WWOX: variants seen among roughly 807,000 people sequenced by gnomAD.
WWOX encodes WW domain-containing oxidoreductase.
A neutral mutation model predicts 46.2 loss-of-function variants in WWOX; 69 were observed. The ratio of observed to expected loss-of-function variants is 1.49; its 90% confidence interval spans 1.23 to 1.82. The LOEUF (loss-of-function observed/expected upper bound fraction) is 1.82, where lower values mean the gene tolerates loss of function less well. WWOX is among the 40% of genes most tolerant of loss of function. The probability of loss-of-function intolerance (pLI) is 0.00; values close to 1 mark genes in which losing one functional copy is unlikely to be tolerated. For synonymous variants in WWOX, 359 were observed against 202.6 expected (o/e 1.77, Z -6.56); for missense variants, 919 against 542.6 (o/e 1.69, Z -6.89).
At chr16:78,122,126 T>G (rs1284564033) in intron 4 of WWOX, among the ~76,000 whole-genome samples, 1 of 152,210 alleles carries the variant, frequency 6.6e-6, no homozygotes, top group Admixed American at 6.5e-5. Context: ...GTGCCTAATT[T>G]ATAAATTAAA....
At chr16:78,746,334 C>CA (rs2049346476) in intron 8 of WWOX, among the ~76,000 whole-genome samples, 1 of 151,980 alleles carries the variant, frequency 6.6e-6, no homozygotes, top group African/African-American at 2.4e-5. Context: ...ATTGCCTGTA[C>CA]AAAAAATTTA....
intron 5 of WWOX, among the ~76,000 whole-genome samples, chr16:78,294,973 C>G (rs925003435): frequency 1.3e-5 from 2 of 152,172 alleles, no homozygotes; most frequent in South Asian, 4.1e-4. Flanking sequence ...GGATTTCACA[C>G]AAAGGCTCTA....
intron 8 of WWOX, among the ~76,000 whole-genome samples, chr16:78,818,339 A>G (rs1181604718): frequency 6.6e-6 from 1 of 152,214 alleles, no homozygotes; most frequent in Non-Finnish European, 1.5e-5. Context: ...TCTCCAGCAC[A>G]CACAGCCCTT....
chr16:78,721,616 C>A (rs188529858), intron 8 of WWOX, among the ~76,000 whole-genome samples: 3 of 152,284 alleles, frequency 2.0e-5, no homozygotes, highest in South Asian at 2.1e-4. Context: ...TAAAGCAGGA[C>A]ATGTGCTTTG....
At chr16:78,521,767 C>G (rs1421696437) in intron 8 of WWOX, among the ~76,000 whole-genome samples, 1 of 145,458 alleles carries the variant, frequency 6.9e-6, no homozygotes, top group Non-Finnish European at 1.5e-5. Flanking sequence ...TTAGTCAACA[C>G]TTTAACACAT....
chr16:78,855,458 A>G (rs989477422), intron 8 of WWOX, among the ~76,000 whole-genome samples: 24 of 152,196 alleles, frequency 1.6e-4, no homozygotes, highest in African/African-American at 4.3e-4. Flanking sequence ...GGCACCACCT[A>G]TCTTTTGCTA....
intron 8 of WWOX, among the ~76,000 whole-genome samples, chr16:78,619,140 A>C (rs1254147913): frequency 8.5e-5 from 1 of 11,772 alleles, no homozygotes; most frequent in Admixed American, 8.8e-4. Flanking sequence ...TACTAAAAAA[A>C]AAATATATAT....
chr16:78,557,378 C>G (rs1224141231), intron 8 of WWOX, among the ~76,000 whole-genome samples: 1 of 152,180 alleles, frequency 6.6e-6, no homozygotes, highest in African/African-American at 2.4e-5. Flanking sequence ...TTGGGAATAT[C>G]TCTTAGCCCT....
chr16:78,331,519 C>G (rs1213859723), intron 5 of WWOX, among the ~76,000 whole-genome samples: 1 of 152,140 alleles, frequency 6.6e-6, no homozygotes, highest in Non-Finnish European at 1.5e-5. Flanking sequence ...ATTCATTTTG[C>G]TTTGACTTCC....
rs2081093609 is a variant in WWOX, at chr16:78,346,316, T to A, written c.517-40544T>A. 1.6e-5 allele frequency among the ~76,000 whole-genome samples: 2 copies of A among 121,536 alleles called. 1 individual carries two copies. Among genetic ancestry groups the A allele is most frequent in the Admixed American group, 1.6e-4 (2 of 12,474 alleles). The allele number at this position is 121,536 out of a possible 152,430, so 79.7% of individuals were successfully genotyped here. A position where few individuals can be genotyped will look rare whatever the true frequency, so the allele number is the denominator to read the frequency against. On this transcript the variant is annotated intron_variant, in intron 5 of 8. Coordinates refer to ENST00000566780, the MANE Select transcript of WWOX (RefSeq NM_016373.4). ...ATTTGGGTTCTTCCCAGTTTTTAGC[T>A]GTTGTAAATGGATACTAATGTGAAC...
At chr16:78,618,482 C>T (rs1400583840) in intron 8 of WWOX, among the ~76,000 whole-genome samples, 1 of 152,116 alleles carries the variant, frequency 6.6e-6, no homozygotes, top group South Asian at 2.1e-4. Context: ...CTTATGGCCT[C>T]TTCTTGTGAG....
chr16:78,198,765 A>G (rs1240780417), intron 5 of WWOX, among the ~76,000 whole-genome samples: 2 of 152,100 alleles, frequency 1.3e-5, no homozygotes, highest in African/African-American at 4.8e-5. Context: ...TATATTTCGC[A>G]TATGTCAATA....
At chr16:79,065,844 G>A (rs1048048721) in intron 8 of WWOX, among the ~76,000 whole-genome samples, 8 of 145,108 alleles carry the variant, frequency 5.5e-5, no homozygotes. Flanking sequence ...GCAAGATGGA[G>A]TCAGCTATGC....
chr16:78,897,007 C>G (rs920319266), intron 8 of WWOX: 1 of 151,006 alleles, frequency 6.6e-6, no homozygotes, highest in African/African-American at 2.4e-5. Context: ...GAGGGTGGAC[C>G]ACTTGAGGCC....
At chr16:78,670,086 C>T (rs547280325) in intron 8 of WWOX, among the ~76,000 whole-genome samples, 6 of 152,168 alleles carry the variant, frequency 3.9e-5, no homozygotes, top group Non-Finnish European at 8.8e-5. Flanking sequence ...TGTTCCCGGC[C>T]GCCCCCGGAA....
At chr16:78,691,395 G>C in intron 8 of WWOX, 2 of 656,844 alleles carry the variant, frequency 3.0e-6, no homozygotes, top group Non-Finnish European at 5.5e-6. Flanking sequence ...TTGGCCTACA[G>C]GGTGCTTTAG....
rs558799547 is a variant in WWOX at position 78,267,964 on chromosome 16, C to T, written c.516+103675C>T. On this transcript the variant is annotated intron_variant, in intron 5 of 8. Transcript: ENST00000566780. ...TCCTGAGTAGCTGGGACTATAGGTGCGTGCCCCCACGCCTGGCTAAGTTTT... is the reference window on the plus strand; with the variant it reads ...TCCTGAGTAGCTGGGACTATAGGTGTGTGCCCCCACGCCTGGCTAAGTTTT... Among the ~76,000 whole-genome samples, 9 of 152,206 alleles carry T rather than the reference C, an allele frequency of 5.9e-5. No individual in the cohort carries two copies. The South Asian group carries it at 1.2e-3, about 21-fold the overall frequency.
At chr16:78,903,478 G>C (rs1285273102) in intron 8 of WWOX, among the ~76,000 whole-genome samples, 1 of 152,188 alleles carries the variant, frequency 6.6e-6, no homozygotes, top group Non-Finnish European at 1.5e-5. Context: ...CGTCTGATTG[G>C]TTGCAAAAAG....
intron 8 of WWOX, among the ~76,000 whole-genome samples, chr16:79,099,426 T>G (rs140427450): frequency 1.8e-4 from 28 of 152,334 alleles, no homozygotes; most frequent in African/African-American, 6.7e-4. Context: ...GAGACTGTGG[T>G]AAACTGCAGC....
Sources: gnomAD v4.1 joint callset for allele counts (sites outside exome capture counted in the v4.1 genomes callset) on GRCh38, gnomAD v4.1.1 for gene constraint, MANE v1.5 for transcripts, NCBI Gene and HGNC (gene_info 2026-07-23, HGNC 2026-07-21) for gene names.